Variants in CADPS2 observed in about 807,000 individuals in gnomAD.
CADPS2 encodes calcium dependent secretion activator 2, also known as calcium-dependent secretion activator 2.
CADPS2 carries 93 observed loss-of-function variants against 172.5 expected under a neutral mutation model. That is an observed-to-expected ratio of 0.54 (90% CI 0.46 to 0.64). The LOEUF (loss-of-function observed/expected upper bound fraction) is 0.64. Among genes scored for constraint, CADPS2 ranks in the 30% least tolerant of loss-of-function variants. The pLI, the probability that CADPS2 is intolerant of heterozygous loss-of-function variation, is 0.00. For synonymous variants in CADPS2, 546 were observed against 555.2 expected (o/e 0.98, Z 0.23); for missense variants, 1,420 against 1,565.9 (o/e 0.91, Z 1.57).
chr7:122,645,342 TAC>T (rs1563947429), intron 3 of CADPS2, among the ~76,000 whole-genome samples: 1 of 112,626 alleles, frequency 8.9e-6, no homozygotes. Context: ...TACACACATG[TAC>T]ATGTGTGTGT....
intron 17 of CADPS2, among the ~76,000 whole-genome samples, chr7:122,422,398 T>G (rs149351044): frequency 9.9e-4 from 151 of 152,276 alleles, no homozygotes; most frequent in African/African-American, 3.6e-3. Context: ...GACTGCTTGC[T>G]GGCAAAACTT....
chr7:122,705,660 CAT>C (rs1472610043), intron 2 of CADPS2, among the ~76,000 whole-genome samples: 2 of 80,738 alleles, frequency 2.5e-5, no homozygotes, highest in East Asian at 3.0e-4. Context: ...TAATATATCT[CAT>C]ATATAATATA....
At position 122,378,468 on chromosome 7, in the gene CADPS2, T is replaced by C. The variant is rs1460955867; in HGVS notation, c.3387+900A>G. On this transcript the variant is annotated intron_variant, in intron 25 of 29. Coordinates refer to ENST00000449022, the MANE Select transcript of CADPS2 (RefSeq NM_017954.11). ...TATACTATTGTAGCTTACTTTGCAT[T>C]CCTTAAATTATTAATGAGGATTAAC... is the stretch of plus-strand genomic sequence containing the variant. Among the ~76,000 whole-genome samples the C allele has an allele frequency of 2.6e-5, 4 of 152,134 alleles. No individual in the cohort carries two copies. In the East Asian group the frequency reaches 7.7e-4, roughly 29 times the overall value.
intron 8 of CADPS2, among the ~76,000 whole-genome samples, chr7:122,531,050 G>T (rs971404211): frequency 2.0e-5 from 3 of 152,180 alleles, no homozygotes; most frequent in Non-Finnish European, 4.4e-5. Flanking sequence ...TCACTGAGGT[G>T]CCATTTAAAG....
chr7:122,511,043 A>C (rs1399212556), intron 9 of CADPS2, among the ~76,000 whole-genome samples: 1 of 152,308 alleles, frequency 6.6e-6, no homozygotes, highest in East Asian at 1.9e-4. Flanking sequence ...CATGACTTCA[A>C]ATTTTAAAAA....
intron 2 of CADPS2, among the ~76,000 whole-genome samples, chr7:122,667,094 C>T (rs917093432): frequency 6.6e-6 from 1 of 152,164 alleles, no homozygotes; most frequent in Non-Finnish European, 1.5e-5. Context: ...GTTCCCTGTT[C>T]AATTATTGTG....
chr7:122,374,778 C>G (rs117137149), intron 25 of CADPS2, among the ~76,000 whole-genome samples: 8 of 152,046 alleles, frequency 5.3e-5, no homozygotes, highest in Non-Finnish European at 7.4e-5. Flanking sequence ...ATGTAGGTGA[C>G]GAGCTGATGG....
chr7:122,331,131 G>C (rs1368628850), intron 28 of CADPS2: 22 of 151,414 alleles, frequency 1.5e-4, no homozygotes, highest in Non-Finnish European at 1.2e-4. Flanking sequence ...AAATCATCTA[G>C]AGTTCCAGAA....
At chr7:122,582,417 C>T (rs1369812440) in intron 6 of CADPS2, among the ~76,000 whole-genome samples, 3 of 151,840 alleles carry the variant, frequency 2.0e-5, no homozygotes, top group African/African-American at 7.3e-5. Context: ...AAACTGGCAT[C>T]TAGATGCAGT....
intron 10 of CADPS2, among the ~76,000 whole-genome samples, chr7:122,490,837 TTAA>T (rs2058218038): frequency 6.6e-6 from 1 of 152,146 alleles, no homozygotes; most frequent in African/African-American, 2.4e-5. Context: ...ATCTTAGATA[TTAA>T]TGTCATTAAT....
At chr7:122,579,650 TTAATA>T (rs1005657881) in intron 7 of CADPS2, among the ~76,000 whole-genome samples, 12 of 151,692 alleles carry the variant, frequency 7.9e-5, no homozygotes, top group Non-Finnish European at 1.6e-4. Context: ...ACCCTTAAAA[TTAATA>T]TAATAATAGT....
At chr7:122,681,341 T>TC (rs1457609986) in intron 2 of CADPS2, 25 of 1,408,698 alleles carry the variant, frequency 1.8e-5, no homozygotes, top group Non-Finnish European at 2.2e-5. Context: ...GGAACAATGG[T>TC]CGTGCCAAAA....
chr7:122,646,779 G>T lies in CADPS2; in HGVS notation c.786+16458C>A, dbSNP rs76274258. Reference sequence around the variant, plus strand: ...GATGAGATCAGGAAGGTGCTTCAATGATGTTTATCTAAAAACAAAAGTATG... The same window carrying T: ...GATGAGATCAGGAAGGTGCTTCAATTATGTTTATCTAAAAACAAAAGTATG... On this transcript the variant is annotated intron_variant, in intron 3 of 29. Coordinates refer to ENST00000449022, the MANE Select transcript of CADPS2 (RefSeq NM_017954.11). Among the ~76,000 whole-genome samples the T allele has an allele frequency of 6.1e-4, 93 of 152,192 alleles. No individual in the cohort carries two copies. The East Asian group carries it at 0.018, about 29-fold the overall frequency.
intron 17 of CADPS2, among the ~76,000 whole-genome samples, chr7:122,418,374 T>C (rs973850271): frequency 6.6e-6 from 1 of 152,184 alleles, no homozygotes; most frequent in Non-Finnish European, 1.5e-5. Flanking sequence ...TGGGCTCTTG[T>C]ACTTGCCTGG....
intron 27 of CADPS2, among the ~76,000 whole-genome samples, chr7:122,356,969 G>A (rs2039489634): frequency 6.6e-6 from 1 of 152,162 alleles, no homozygotes; most frequent in South Asian, 2.1e-4. Context: ...ATGTGGGCTT[G>A]TTGCTACTGG....
chr7:122,365,468 G>A (rs1300709671), intron 25 of CADPS2, among the ~76,000 whole-genome samples: 1 of 152,164 alleles, frequency 6.6e-6, no homozygotes, highest in Non-Finnish European at 1.5e-5. Context: ...GACTAGTAAC[G>A]ATATACCTTC....
rs375137637 is a variant in CADPS2 at position 122,740,145 on chromosome 7, T to TA, written c.340-3078dup. 3.0e-3 allele frequency among the ~76,000 whole-genome samples: 463 copies of TA among 152,262 alleles called. 2 individuals carry two copies. Among genetic ancestry groups the TA allele is most frequent in the African/African-American group, 0.01 (425 of 41,566 alleles). On this transcript the variant is annotated intron_variant, in intron 1 of 29. Coordinates refer to ENST00000449022, the MANE Select transcript of CADPS2 (RefSeq NM_017954.11). ...CTTTGCTACTGGGAAAGCAAAATGG[T>TA]ATAGCTACTTTGTAAAACAGGTTGA...
In CADPS2 at chr7:122,474,380, C is replaced by A; in HGVS notation, c.1998+1G>T. ...AGGGGACTAGATAGACTTGTACTCA[C>A]CAAGCAAGAATAGGAATCATTCAGT... On this transcript the variant is annotated splice_donor_variant, in intron 13 of 29. Coordinates refer to ENST00000449022, the MANE Select transcript of CADPS2 (RefSeq NM_017954.11). LOFTEE classifies it high-confidence loss of function. 6.2e-7 allele frequency: 1 copy of A among 1,613,168 alleles called. No homozygotes were observed. The highest frequency in any genetic ancestry group is 8.5e-7 in the Non-Finnish European group (1 of 1,179,482).
In CADPS2 at chr7:122,491,418, A is replaced by G; in HGVS notation, c.1545T>C (p.Val515=). The part of the protein sequence containing the change: ...WKKRYFVLVQ[V]SQYTFAMCSY... Reference sequence around the variant, plus strand: ...TGCACATAGCAAAGGTATATTGGCTAACCTGCTCGAGAAAAAAAAAGTTTA... The same window carrying G: ...TGCACATAGCAAAGGTATATTGGCTGACCTGCTCGAGAAAAAAAAAGTTTA... Residue 515 remains valine, a splice_region_variant and synonymous_variant, in exon 10 of 30, where the codon GTT becomes GTC. Coordinates refer to ENST00000449022, the MANE Select transcript of CADPS2 (RefSeq NM_017954.11). The G allele has an allele frequency of 6.4e-7, 1 of 1,573,122 alleles. No individual in the cohort carries two copies. Among genetic ancestry groups the G allele is most frequent in the South Asian group, 1.2e-5 (1 of 83,882 alleles).
Sources: gnomAD v4.1 joint callset for allele counts (sites outside exome capture counted in the v4.1 genomes callset) on GRCh38, gnomAD v4.1.1 for gene constraint, MANE v1.5 for transcripts, NCBI Gene and HGNC (gene_info 2026-07-23, HGNC 2026-07-21) for gene names.